Variants in MEX3A observed in about 807,000 individuals in gnomAD.
MEX3A encodes the protein mex-3 RNA binding family member A.
A neutral mutation model predicts 30.0 loss-of-function variants in MEX3A; 4 were observed. That is an observed-to-expected ratio of 0.13 (90% CI 0.07 to 0.30). The LOEUF is 0.30. MEX3A is among the 10% of genes least tolerant of loss of function. MEX3A has a pLI of 1.00. For missense variants in MEX3A, 555 were observed against 736.7 expected, an observed-to-expected ratio of 0.75 and a Z score of 2.86; for synonymous variants, 335 against 327.6, an observed-to-expected ratio of 1.02 and a Z score of -0.24.
Position 156,076,445 on chromosome 1 carries a change from C to A in MEX3A, c.*129G>T. ...CTCCAGCCACCACTGCCTCCCTCCC[C>A]CCTTCCCCAGCGAGCGAGTATCTCT... On this transcript the variant is annotated 3_prime_UTR_variant, in exon 2 of 2. Coordinates refer to ENST00000532414, the MANE Select transcript of MEX3A (RefSeq NM_001093725.2). This position sits in a 1 kb window ranked among gnomAD's most constrained non-coding sequence, Gnocchi z 6.0. 4.1e-6 allele frequency: 4 copies of A among 984,490 alleles called. No homozygotes were observed. Among genetic ancestry groups the A allele is most frequent in the Non-Finnish European group, 5.8e-6 (4 of 688,320 alleles). The allele number at this position is 984,490 out of a possible 1,614,324, so 61.0% of individuals were successfully genotyped here. A position where few individuals can be genotyped will look rare whatever the true frequency, so the allele number is the denominator to read the frequency against.
chr1:156,079,198 G>A (rs1282354850), intron 1 of MEX3A, among the ~76,000 whole-genome samples: 1 of 150,192 alleles, frequency 6.7e-6, no homozygotes, highest in African/African-American at 2.5e-5. Flanking sequence ...TAGGTTGGGG[G>A]ACCCTCCCTC....
chr1:156,082,056 G>A lies in MEX3A; in HGVS notation c.-58C>T. The A allele has an allele frequency of 1.0e-6, 1 of 966,632 alleles. No homozygotes were observed. The highest frequency in any genetic ancestry group is 1.4e-6 in the Non-Finnish European group (1 of 708,000). The allele number at this position is 966,632 out of a possible 1,614,324, so 59.9% of individuals were successfully genotyped here. A position where few individuals can be genotyped will look rare whatever the true frequency, so the allele number is the denominator to read the frequency against. On this transcript the variant is annotated 5_prime_UTR_variant, in exon 1 of 2. Transcript: ENST00000532414. ...AGAGAGAGAGAGAGAGGTGGTGGAA[G>A]GGAAAAGAGGAGAGAGGAGGGGAGG... is the stretch of plus-strand genomic sequence containing the variant.
rs1364158277 is a variant in MEX3A at position 156,075,298 on chromosome 1, G to A, written c.*1276C>T. ...AGGATTCAATAAAGGTTCAGGTCAG[G>A]TTGAGAGGGGTGCAGGGAGTCGGGC... On this transcript the variant is annotated 3_prime_UTR_variant, in exon 2 of 2. Transcript: ENST00000532414. 3 of 152,356 alleles carry A rather than the reference G, an allele frequency of 2.0e-5. No individual in the cohort carries two copies. The highest frequency in any genetic ancestry group is 4.4e-5 in the Non-Finnish European group (3 of 68,072). The allele number at this position is 152,356 out of a possible 1,614,324, so 9.4% of individuals were successfully genotyped here.
rs1253224226 is a variant in MEX3A, at chr1:156,077,501, G to A, written c.636C>T (p.Ala212=). ...MIRASRNKSG[A]AFGVAPALPG... ...GCAGAGCAGGAGCCACACCAAAGGC[G>A]GCGCCTGACTTGTTGCGGGAGGCAC... is the stretch of plus-strand genomic sequence containing the variant. Residue 212 remains alanine, a synonymous_variant, in exon 2 of 2, where the codon GCC becomes GCT. Transcript: ENST00000532414. This position sits in a 1 kb window ranked among gnomAD's most constrained non-coding sequence, Gnocchi z 8.3. 4 of 1,613,052 alleles carry A rather than the reference G, an allele frequency of 2.5e-6. No homozygotes were observed. The highest frequency in any genetic ancestry group is 2.2e-5 in the East Asian group (1 of 44,836).
chr1:156,082,269 C>G lies in MEX3A; in HGVS notation c.-271G>C, dbSNP rs1403490367. On this transcript the variant is annotated 5_prime_UTR_variant, in exon 1 of 2. Transcript: ENST00000532414. The stretch of plus-strand genomic sequence containing the variant: ...GAGAAGCAAAACCAAGAAAGCAGAT[C>G]TCCTCTCCTCTCCGGGGGTGACGGG... 6.6e-6 allele frequency among the ~76,000 whole-genome samples: 1 copy of G among 151,160 alleles called. No homozygotes were observed. Among genetic ancestry groups the G allele is most frequent in the Non-Finnish European group, 1.5e-5 (1 of 67,630 alleles).
Position 156,076,514 on chromosome 1 carries a change from T to G in MEX3A, c.*60A>C. 1 of 1,516,444 alleles carries G rather than the reference T, an allele frequency of 6.6e-7. No individual in the cohort carries two copies. The highest frequency in any genetic ancestry group is 8.9e-7 in the Non-Finnish European group (1 of 1,123,592). 93.9% of individuals were successfully genotyped at this position (1,516,444 alleles called of 1,614,324 possible). A position where few individuals can be genotyped will look rare whatever the true frequency, so the allele number is the denominator to read the frequency against. On this transcript the variant is annotated 3_prime_UTR_variant, in exon 2 of 2. Transcript: ENST00000532414. The surrounding 1 kb of genome is among the most constrained non-coding windows in gnomAD (Gnocchi z 6.0). The stretch of plus-strand genomic sequence containing the variant: ...ATCACCGCTTTCCAAAAGGCTTTAG[T>G]GGAAAACAGGTCCAGGGTGGGCCCA...
chr1:156,077,689 T>C lies in MEX3A; in HGVS notation c.455-7A>G, dbSNP rs905096458. The C allele has an allele frequency of 1.3e-6, 2 of 1,577,948 alleles. No individual in the cohort carries two copies. Among genetic ancestry groups the C allele is most frequent in the Non-Finnish European group, 1.7e-6 (2 of 1,165,684 alleles). On this transcript the variant is annotated splice_polypyrimidine_tract_variant and splice_region_variant and intron_variant, in intron 1 of 1. Coordinates refer to ENST00000532414, the MANE Select transcript of MEX3A (RefSeq NM_001093725.2). The surrounding 1 kb of genome is among the most constrained non-coding windows in gnomAD (Gnocchi z 8.3). Reference sequence around the variant, plus strand: ...AAGGCCTTAATCTTGCAGCCTGGGATAGGGCGGGGAAGGAGAGAGACAAAG... The same window carrying C: ...AAGGCCTTAATCTTGCAGCCTGGGACAGGGCGGGGAAGGAGAGAGACAAAG...
intron 1 of MEX3A, among the ~76,000 whole-genome samples, chr1:156,078,302 T>C (rs775354791): frequency 6.6e-6 from 1 of 152,132 alleles, no homozygotes; most frequent in Admixed American, 6.5e-5. Flanking sequence ...CTCAAATTCA[T>C]AGCGAGTTTG....
At position 156,077,272 on chromosome 1, in the gene MEX3A, C is replaced by T. The variant is rs755919799; in HGVS notation, c.865G>A (p.Ala289Thr). The T allele has an allele frequency of 1.2e-6, 2 of 1,613,918 alleles. No individual in the cohort carries two copies. Among genetic ancestry groups the T allele is most frequent in the Admixed American group, 1.7e-5 (1 of 60,030 alleles). ...RAREEIETHI[A>T]VRTGKILEYN... ...TCGAGGATCTTGCCAGTGCGCACCGCGATGTGCGTCTCGATCTCCTCGCGC... is the reference window on the plus strand; with the variant it reads ...TCGAGGATCTTGCCAGTGCGCACCGTGATGTGCGTCTCGATCTCCTCGCGC... The change falls in exon 2 of 2, where the codon GCG (alanine) becomes ACG (threonine). Residue 289 changes from alanine (A) to threonine (T), a missense_variant. Transcript: ENST00000532414. This position sits in a 1 kb window ranked among gnomAD's most constrained non-coding sequence, Gnocchi z 8.3.
Position 156,081,947 on chromosome 1 carries a change from C to T in MEX3A, c.52G>A (p.Glu18Lys). The T allele has an allele frequency of 6.5e-7, 1 of 1,539,530 alleles. No homozygotes were observed. Among genetic ancestry groups the T allele is most frequent in the South Asian group, 1.2e-5 (1 of 82,454 alleles). The change falls in exon 1 of 2, where the codon GAA (glutamate) becomes AAA (lysine). Residue 18 changes from glutamate to lysine, a missense_variant. Around this residue, in one of 6 missense-constraint regions of MEX3A, gnomAD observed 159 missense variants for 159.9 expected, o/e 0.99. Transcript: ENST00000532414. Reference sequence around the variant, plus strand: ...GCGCTTCCCCCGAAACATCCTAGTTCTCCAAAGCCCCCATTTCTTTCCATT... The same window carrying T: ...GCGCTTCCCCCGAAACATCCTAGTTTTCCAAAGCCCCCATTTCTTTCCATT... Reference protein sequence around the residue: ...GIMERNGGFGELGCFGGSAKD... With the variant: ...GIMERNGGFGKLGCFGGSAKD...
rs74710386 is a variant in MEX3A, at chr1:156,078,843, C to T, written c.455-1161G>A. On this transcript the variant is annotated intron_variant, in intron 1 of 1. Transcript: ENST00000532414. ...ATACTTATGGGGCCAATCTAATGTA[C>T]ACTTTTATACACCTCTTTCACACAC... Among the ~76,000 whole-genome samples, 406 of 152,228 alleles carry T rather than the reference C, an allele frequency of 2.7e-3. 16 individuals are homozygous for T. The East Asian group carries it at 0.072, about 27-fold the overall frequency.
chr1:156,079,103 G>A (rs918062312), intron 1 of MEX3A, among the ~76,000 whole-genome samples: 2 of 152,102 alleles, frequency 1.3e-5, no homozygotes, highest in Non-Finnish European at 2.9e-5. Flanking sequence ...CCTGAGACCT[G>A]AGGTGAGCTC....
chr1:156,079,377 C>A (rs1275086230), intron 1 of MEX3A, among the ~76,000 whole-genome samples: 1 of 152,020 alleles, frequency 6.6e-6, no homozygotes, highest in Non-Finnish European at 1.5e-5. Context: ...CCACGCCCAG[C>A]TAATTTTTTG....
In MEX3A at chr1:156,076,881, C is replaced by T. The variant is rs1572298397; in HGVS notation, c.1256G>A (p.Arg419His). ...GCGGTGTGCGCCCGGGGGCCCAGCG[C>T]GGGCCTTGGCGGAAGAGGAGGAGGA... ...SSSSSSSAKA[R>H]AGPPGAHRSP... Residue 419 changes from arginine (R) to histidine (H), a missense_variant, in exon 2 of 2, where the codon CGC (arginine) becomes CAC (histidine). Transcript: ENST00000532414. The surrounding 1 kb of genome is among the most constrained non-coding windows in gnomAD (Gnocchi z 6.0). 2 of 1,541,212 alleles carry T rather than the reference C, an allele frequency of 1.3e-6. No homozygotes were observed. The highest frequency in any genetic ancestry group is 1.7e-6 in the Non-Finnish European group (2 of 1,143,504).
rs1648260160 is a variant in MEX3A at position 156,081,927 on chromosome 1, T to A, written c.72A>T (p.Gly24=). ...GGFGELGCFG[G]SAKDRGLLED... ...CCAGCAGCCCTCGGTCCTTAGCGCT[T>A]CCCCCGAAACATCCTAGTTCTCCAA... The change falls in exon 1 of 2, where the codon GGA becomes GGT. Residue 24 remains glycine (G), a synonymous_variant. Transcript: ENST00000532414. The A allele has an allele frequency of 1.3e-6, 2 of 1,536,218 alleles. No homozygotes were observed. Among genetic ancestry groups the A allele is most frequent in the Non-Finnish European group, 1.8e-6 (2 of 1,140,190 alleles).
Position 156,076,547 on chromosome 1 carries a change from G to A in MEX3A, c.*27C>T, listed in dbSNP as rs1648067942. The A allele has an allele frequency of 6.3e-7, 1 of 1,586,242 alleles. No homozygotes were observed. The highest frequency in any genetic ancestry group is 1.1e-5 in the South Asian group (1 of 87,924). ...AGGTCCAGGGTGGGCCCAGTGGAGT[G>A]GGCCCCGGAGGCATGGGGCACGGGG... is the stretch of plus-strand genomic sequence containing the variant. On this transcript the variant is annotated 3_prime_UTR_variant, in exon 2 of 2. Transcript: ENST00000532414. The surrounding 1 kb of genome is among the most constrained non-coding windows in gnomAD (Gnocchi z 6.0).
In MEX3A at chr1:156,076,898, G is replaced by C; in HGVS notation, c.1239C>G (p.Ser413=). 2.0e-6 allele frequency: 3 copies of C among 1,504,990 alleles called. No homozygotes were observed. Among genetic ancestry groups the C allele is most frequent in the Non-Finnish European group, 2.7e-6 (3 of 1,120,242 alleles). 93.2% of individuals were successfully genotyped at this position (1,504,990 alleles called of 1,614,324 possible). ...GCCCAGCGCGGGCCTTGGCGGAAGA[G>C]GAGGAGGAGGAGGAGGCAGAGGAGA... ...VLFSSASSSS[S]SSAKARAGPP... The change falls in exon 2 of 2, where the codon TCC becomes TCG. Residue 413 remains serine, a synonymous_variant. Coordinates refer to ENST00000532414, the MANE Select transcript of MEX3A (RefSeq NM_001093725.2). This position sits in a 1 kb window ranked among gnomAD's most constrained non-coding sequence, Gnocchi z 6.0.
In MEX3A at chr1:156,077,309, G is replaced by A. The variant is rs778663471; in HGVS notation, c.828C>T (p.Asn276=). ...CGATCTCCTCGCGCGCACGCTCCAC[G>A]TTGCCTGGGGCACCCGTGATCTCGA... ...PVFEITGAPG[N]VERAREEIET... is the part of the protein sequence containing the mutation. Residue 276 remains asparagine, a synonymous_variant, in exon 2 of 2, where the codon AAC becomes AAT. Transcript: ENST00000532414. This position sits in a 1 kb window ranked among gnomAD's most constrained non-coding sequence, Gnocchi z 8.3. The A allele has an allele frequency of 4.3e-6, 7 of 1,613,806 alleles. No individual in the cohort carries two copies. In the African/African-American group the frequency reaches 5.3e-5, roughly 12 times the overall value.
In MEX3A at chr1:156,077,794, C is replaced by A; in HGVS notation, c.455-112G>T. On this transcript the variant is annotated intron_variant, in intron 1 of 1. Transcript: ENST00000532414. The surrounding 1 kb of genome is among the most constrained non-coding windows in gnomAD (Gnocchi z 8.3). The stretch of plus-strand genomic sequence containing the variant: ...AATACCTAGCCTCCCAGGAACACTT[C>A]AGTCTACCCTTTGAAATGCCCACTG... 7.0e-7 allele frequency: 1 copy of A among 1,422,092 alleles called. No homozygotes were observed. The highest frequency in any genetic ancestry group is 9.2e-7 in the Non-Finnish European group (1 of 1,084,202). The allele number at this position is 1,422,092 out of a possible 1,614,324, so 88.1% of individuals were successfully genotyped here.
Sources: gnomAD v4.1 joint callset for allele counts (sites outside exome capture counted in the v4.1 genomes callset) on GRCh38, gnomAD v4.1.1 for gene constraint, gnomAD v4.1.1 regional missense constraint, Gnocchi (gnomAD v3.1) non-coding constraint, MANE v1.5 for transcripts, NCBI Gene and HGNC (gene_info 2026-07-23, HGNC 2026-07-21) for gene names.